RASGRF2: variants seen among roughly 807,000 people sequenced by gnomAD.
RASGRF2 encodes the protein Ras protein specific guanine nucleotide releasing factor 2.
RASGRF2 carries 76 observed loss-of-function variants against 151.0 expected under a neutral mutation model. The ratio of observed to expected loss-of-function variants is 0.50; its 90% CI spans 0.42 to 0.61. The LOEUF (loss-of-function observed/expected upper bound fraction) is 0.61. Ranked by LOEUF, RASGRF2 falls within the 20% of genes least tolerant of loss-of-function variation. The pLI is 0.00. For missense variants in RASGRF2, 1,148 were observed against 1,564.6 expected, an observed-to-expected ratio of 0.73 and a Z score of 4.49; for synonymous variants, 504 against 566.5, an observed-to-expected ratio of 0.89 and a Z score of 1.57.
chr5:81,199,938 T>G (rs1755350097), intron 18 of RASGRF2, among the ~76,000 whole-genome samples: 2 of 149,466 alleles, frequency 1.3e-5, no homozygotes, highest in Admixed American at 6.7e-5. Context: ...TTCTAACTCA[T>G]TTATTTCTTT....
At chr5:81,137,508 G>A (rs143048586) in intron 17 of RASGRF2, among the ~76,000 whole-genome samples, 1 of 152,260 alleles carries the variant, frequency 6.6e-6, no homozygotes, top group East Asian at 1.9e-4. Context: ...GGGCTGCACT[G>A]TGTCCCCACT....
chr5:81,036,715 T>G (rs1417396707), intron 1 of RASGRF2, among the ~76,000 whole-genome samples: 1 of 152,164 alleles, frequency 6.6e-6, no homozygotes, highest in African/African-American at 2.4e-5. Context: ...TACTCCCATC[T>G]TGTCCAAATT....
At chr5:81,120,473 C>T (rs1418906544) in intron 15 of RASGRF2, among the ~76,000 whole-genome samples, 1 of 152,166 alleles carries the variant, frequency 6.6e-6, no homozygotes. Context: ...GTCCCAGTTA[C>T]TCAGGAGGCT....
At chr5:81,021,569 TG>T (rs1749827565) in intron 1 of RASGRF2, among the ~76,000 whole-genome samples, 2 of 152,028 alleles carry the variant, frequency 1.3e-5, no homozygotes, top group African/African-American at 2.4e-5. Context: ...CGTGTGTGTG[TG>T]TGTGTGTGTG....
chr5:81,065,725 C>T (rs1160002246), intron 2 of RASGRF2, among the ~76,000 whole-genome samples: 1 of 152,152 alleles, frequency 6.6e-6, no homozygotes, highest in Non-Finnish European at 1.5e-5. Context: ...TGCAAGGTAT[C>T]TGTATCTGTG....
At chr5:81,122,591 A>G (rs991234477) in intron 15 of RASGRF2, among the ~76,000 whole-genome samples, 2 of 152,228 alleles carry the variant, frequency 1.3e-5, no homozygotes, top group Admixed American at 6.5e-5. Flanking sequence ...TTGTTGAGTG[A>G]AATCTTGAAT....
At chr5:81,034,882 G>T (rs1185262781) in intron 1 of RASGRF2, among the ~76,000 whole-genome samples, 4 of 151,562 alleles carry the variant, frequency 2.6e-5, no homozygotes, top group Non-Finnish European at 5.9e-5. Context: ...CACCAGCATG[G>T]CACATGTATA....
intron 1 of RASGRF2, among the ~76,000 whole-genome samples, chr5:81,032,457 T>C (rs1306366265): frequency 6.6e-6 from 1 of 152,216 alleles, no homozygotes; most frequent in African/African-American, 2.4e-5. Flanking sequence ...CACAATCAAG[T>C]TGGCTTCATC....
intron 1 of RASGRF2, among the ~76,000 whole-genome samples, chr5:81,032,624 C>T (rs1265482182): frequency 7.2e-5 from 11 of 152,058 alleles, no homozygotes; most frequent in Non-Finnish European, 1.0e-4. Context: ...TCTCAATAAA[C>T]GAGGTATTGA....
At chr5:81,156,643 T>C (rs926902063) in intron 17 of RASGRF2, among the ~76,000 whole-genome samples, 2 of 152,126 alleles carry the variant, frequency 1.3e-5, no homozygotes, top group East Asian at 1.9e-4. Context: ...TTAATACCCA[T>C]TCAATAAAGT....
At chr5:81,141,232 C>T (rs1462400608) in intron 17 of RASGRF2, among the ~76,000 whole-genome samples, 1 of 152,150 alleles carries the variant, frequency 6.6e-6, no homozygotes. Context: ...CAGTAAACTC[C>T]TGAATCTCTT....
rs781414311 is a variant in RASGRF2, at chr5:81,094,318, T to C, written c.1574T>C (p.Ile525Thr). 9 of 1,613,532 alleles carry C rather than the reference T, an allele frequency of 5.6e-6. No individual in the cohort carries two copies. Among genetic ancestry groups the C allele is most frequent in the Non-Finnish European group, 6.8e-6 (8 of 1,179,900 alleles). Reference protein sequence around the residue: ...LLKTGGVLSLIDCTLIEEPDA... With the variant: ...LLKTGGVLSLTDCTLIEEPDA... ...CAGACAGGTGGGGTTCTGTCTCTAA[T>C]AGACTGCACATTGATTGAGGAGCCA... The change falls in exon 11 of 27, where the codon ATA (isoleucine) becomes ACA (threonine). Residue 525 changes from isoleucine to threonine, a missense_variant. Ile to Thr is a moderately conservative substitution (Grantham distance 89). Coordinates refer to ENST00000265080, the MANE Select transcript of RASGRF2 (RefSeq NM_006909.3).
chr5:81,161,782 G>T (rs1466748635), intron 17 of RASGRF2, among the ~76,000 whole-genome samples: 3 of 152,042 alleles, frequency 2.0e-5, no homozygotes, highest in Non-Finnish European at 4.4e-5. Flanking sequence ...TTGATGCCTT[G>T]TTAAAATCCT....
At chr5:80,970,050 C>A (rs1197711651) in intron 1 of RASGRF2, among the ~76,000 whole-genome samples, 2 of 151,646 alleles carry the variant, frequency 1.3e-5, no homozygotes, top group Non-Finnish European at 2.9e-5. Flanking sequence ...GTCTTGAACT[C>A]CTAACCTCAG....
intron 18 of RASGRF2, among the ~76,000 whole-genome samples, chr5:81,185,267 A>C (rs1414408888): frequency 6.6e-6 from 1 of 152,198 alleles, no homozygotes; most frequent in Non-Finnish European, 1.5e-5. Context: ...CAAGGAAACC[A>C]TCCAGCTAGC....
intron 17 of RASGRF2, among the ~76,000 whole-genome samples, chr5:81,170,166 C>T (rs1353318363): frequency 6.6e-6 from 1 of 152,058 alleles, no homozygotes; most frequent in Non-Finnish European, 1.5e-5. Flanking sequence ...GCATCACTTG[C>T]AGCACCTGCA....
intron 17 of RASGRF2, among the ~76,000 whole-genome samples, chr5:81,142,265 C>T (rs1440407354): frequency 6.6e-6 from 1 of 152,084 alleles, no homozygotes; most frequent in African/African-American, 2.4e-5. Context: ...TCTGAGTGGC[C>T]TCCCAGAGGC....
chr5:81,222,312 T>G (rs1425357098), intron 26 of RASGRF2, among the ~76,000 whole-genome samples: 1 of 152,224 alleles, frequency 6.6e-6, no homozygotes, highest in Non-Finnish European at 1.5e-5. Context: ...CCACATTTGC[T>G]TATCTGTAAA....
intron 12 of RASGRF2, among the ~76,000 whole-genome samples, chr5:81,102,114 A>G (rs71636259): frequency 6.6e-6 from 1 of 152,330 alleles, no homozygotes; most frequent in Admixed American, 6.5e-5. Flanking sequence ...GTTGCCAGAA[A>G]CAAGGGAATT....
Sources: gnomAD v4.1 joint callset for allele counts (sites outside exome capture counted in the v4.1 genomes callset) on GRCh38, gnomAD v4.1.1 for gene constraint, MANE v1.5 for transcripts, NCBI Gene and HGNC (gene_info 2026-07-23, HGNC 2026-07-21) for gene names.